The following CDH4 variants were observed in gnomAD, a reference collection of about 807,000 sequenced individuals.
The protein encoded by CDH4 is cadherin-4.
In CDH4, 33 loss-of-function variants were observed where a neutral mutation model predicts 86.0. That is an observed-to-expected ratio of 0.38 (90% confidence interval 0.29 to 0.51). The LOEUF (loss-of-function observed/expected upper bound fraction) is 0.51, where lower values mean the gene tolerates loss of function less well. Among genes scored for constraint, CDH4 ranks in the 20% least tolerant of loss-of-function variants. The probability of loss-of-function intolerance (pLI) is 0.86; values close to 1 mark genes in which losing one functional copy is unlikely to be tolerated. For missense variants in CDH4, 1,114 were observed against 1,307.4 expected (o/e 0.85, Z 2.28); for synonymous variants, 555 against 549.4 (o/e 1.01, Z -0.14).
intron 2 of CDH4, among the ~76,000 whole-genome samples, chr20:61,463,984 T>C (rs1176363977): frequency 6.6e-6 from 1 of 152,184 alleles, no homozygotes; most frequent in Non-Finnish European, 1.5e-5. Context: ...GGTTTGAACT[T>C]ATACCTCTCT....
At chr20:61,678,152 AG>A (rs1281632636) in intron 2 of CDH4, among the ~76,000 whole-genome samples, 1 of 151,844 alleles carries the variant, frequency 6.6e-6, no homozygotes, top group Non-Finnish European at 1.5e-5. Flanking sequence ...ATAGGTAGAT[AG>A]ATGGATGATG....
intron 2 of CDH4, among the ~76,000 whole-genome samples, chr20:61,387,744 T>C (rs2084959935): frequency 6.6e-6 from 1 of 152,198 alleles, no homozygotes; most frequent in Non-Finnish European, 1.5e-5. Flanking sequence ...CTCTATTTTA[T>C]AAATGTGTTT....
chr20:61,725,283 G>A (rs570145289), intron 2 of CDH4, among the ~76,000 whole-genome samples: 1 of 152,234 alleles, frequency 6.6e-6, no homozygotes, highest in South Asian at 2.1e-4. Context: ...GCCTTGCCCC[G>A]CACACACCTC....
intron 5 of CDH4, among the ~76,000 whole-genome samples, chr20:61,846,886 C>A (rs1395906445): frequency 2.6e-5 from 4 of 152,168 alleles, no homozygotes; most frequent in African/African-American, 9.7e-5. Flanking sequence ...TGGGTCAGCC[C>A]ACTTCTCCCT....
intron 2 of CDH4, among the ~76,000 whole-genome samples, chr20:61,494,994 T>C (rs6121646): frequency 2.0e-5 from 3 of 152,216 alleles, no homozygotes; most frequent in Non-Finnish European, 2.9e-5. Context: ...AAGAGGACTA[T>C]CCACAGGGAG....
intron 2 of CDH4, among the ~76,000 whole-genome samples, chr20:61,327,966 T>C (rs2084545458): frequency 6.6e-6 from 1 of 152,130 alleles, no homozygotes; most frequent in South Asian, 2.1e-4. Context: ...CAAAGCAAAT[T>C]CACAGGACAA....
intron 2 of CDH4, among the ~76,000 whole-genome samples, chr20:61,649,998 G>A (rs1322288195): frequency 6.6e-6 from 1 of 152,186 alleles, no homozygotes; most frequent in Non-Finnish European, 1.5e-5. Context: ...GGAGCCCTGA[G>A]TCTCCCCAGG....
chr20:61,605,808 T>C (rs762635095), intron 2 of CDH4, among the ~76,000 whole-genome samples: 50 of 150,698 alleles, frequency 3.3e-4, no homozygotes, highest in Non-Finnish European at 6.9e-4. Context: ...TGAGTGAAGG[T>C]CCTTGCAACA....
intron 2 of CDH4, among the ~76,000 whole-genome samples, chr20:61,536,216 C>T (rs2085996162): frequency 6.6e-6 from 1 of 152,190 alleles, no homozygotes; most frequent in East Asian, 1.9e-4. Context: ...ACGGGTGCAA[C>T]AAACACATCT....
At chr20:61,871,459 C>T (rs923492629) in intron 6 of CDH4, among the ~76,000 whole-genome samples, 11 of 152,154 alleles carry the variant, frequency 7.2e-5, no homozygotes, top group Non-Finnish European at 1.5e-4. Flanking sequence ...AAGTAGGGGA[C>T]GCTAACAATC....
intron 1 of CDH4, among the ~76,000 whole-genome samples, chr20:61,253,334 G>A (rs1394479021): frequency 6.6e-6 from 1 of 151,822 alleles, no homozygotes; most frequent in African/African-American, 2.4e-5. Flanking sequence ...CCGCGGGCCG[G>A]ATTGCCAGCT....
At chr20:61,651,370 G>T (rs965453658) in intron 2 of CDH4, among the ~76,000 whole-genome samples, 1 of 152,234 alleles carries the variant, frequency 6.6e-6, no homozygotes, top group Non-Finnish European at 1.5e-5. Flanking sequence ...TCACCCAAAG[G>T]CACATGTCCC....
At chr20:61,661,092 G>A in intron 2 of CDH4, among the ~76,000 whole-genome samples, 1 of 141,774 alleles carries the variant, frequency 7.1e-6, no homozygotes, top group South Asian at 2.3e-4. Flanking sequence ...GGCGGGGGGG[G>A]GGGAGACACA....
intron 3 of CDH4, among the ~76,000 whole-genome samples, chr20:61,752,843 CAG>C: frequency 6.6e-6 from 1 of 152,250 alleles, no homozygotes; most frequent in South Asian, 2.1e-4. Flanking sequence ...CACTGAGGTG[CAG>C]AGTTACAGTC....
chr20:61,522,868 C>T lies in CDH4; in HGVS notation c.170-220695C>T, dbSNP rs116876881. ...AGTTGATTAGTCTAACACTTACTACCGGGTGGGCCGGAGCCCTCTGCAGTG... is the reference window on the plus strand; with the variant it reads ...AGTTGATTAGTCTAACACTTACTACTGGGTGGGCCGGAGCCCTCTGCAGTG... On this transcript the variant is annotated intron_variant, in intron 2 of 15. Coordinates refer to ENST00000614565, the MANE Select transcript of CDH4 (RefSeq NM_001794.5). Among the ~76,000 whole-genome samples, 6 of 152,370 alleles carry T rather than the reference C, an allele frequency of 3.9e-5. No homozygotes were observed. In the East Asian group the frequency reaches 5.8e-4, roughly 15 times the overall value.
chr20:61,446,545 C>T (rs540811547), intron 2 of CDH4, among the ~76,000 whole-genome samples: 112 of 151,448 alleles, frequency 7.4e-4, no homozygotes, highest in Non-Finnish European at 1.1e-3. Context: ...TCAGCTGATC[C>T]GCCTCATCTT....
At chr20:61,263,184 G>A (rs1179774398) in intron 2 of CDH4, among the ~76,000 whole-genome samples, 1 of 152,128 alleles carries the variant, frequency 6.6e-6, no homozygotes, top group Admixed American at 6.5e-5. Context: ...TCCCCAGAGT[G>A]GGACTGTGGT....
intron 3 of CDH4, among the ~76,000 whole-genome samples, chr20:61,766,313 G>A (rs1415214731): frequency 4.6e-5 from 7 of 151,968 alleles, no homozygotes; most frequent in African/African-American, 7.3e-5. Flanking sequence ...GGGACACCCC[G>A]AGTTCGCCTG....
At chr20:61,862,655 C>T (rs1437974092) in intron 6 of CDH4, among the ~76,000 whole-genome samples, 1 of 152,186 alleles carries the variant, frequency 6.6e-6, no homozygotes, top group Non-Finnish European at 1.5e-5. Context: ...AGAACGAGCT[C>T]TCAGGGCTCG....
Sources: gnomAD v4.1 joint callset for allele counts (sites outside exome capture counted in the v4.1 genomes callset) on GRCh38, gnomAD v4.1.1 for gene constraint, MANE v1.5 for transcripts, NCBI Gene and HGNC (gene_info 2026-07-23, HGNC 2026-07-21) for gene names.